PTPRD: variants seen among roughly 807,000 people sequenced by gnomAD.
PTPRD encodes the protein receptor-type tyrosine-protein phosphatase delta.
PTPRD carries 34 observed loss-of-function variants against 214.5 expected under a neutral mutation model. The ratio of observed to expected loss-of-function variants is 0.16; its 90% confidence interval spans 0.12 to 0.21. PTPRD has a LOEUF of 0.21. PTPRD is among the 10% of genes least tolerant of loss of function. The pLI, the probability that PTPRD is intolerant of heterozygous loss-of-function variation, is 1.00. For synonymous variants in PTPRD, 1,128 were observed against 845.7 expected (o/e 1.33, Z -5.79); for missense variants, 2,545 against 2,398.7 (o/e 1.06, Z -1.27).
intron 11 of PTPRD, among the ~76,000 whole-genome samples, chr9:8,833,873 T>C (rs1435789891): frequency 6.6e-6 from 1 of 151,320 alleles, no homozygotes; most frequent in Non-Finnish European, 1.5e-5. Context: ...GACAGCTATA[T>C]ACTGTACCAT....
In PTPRD at chr9:8,925,697, C is replaced by T. The variant is rs1043146804; in HGVS notation, c.-104+93000G>A. ...TCTTGGATGCCATCCTCAACTTTTC[C>T]TTTACGCCACACCTCTAGGCACCGA... On this transcript the variant is annotated intron_variant, in intron 11 of 45. Coordinates refer to ENST00000381196, the MANE Select transcript of PTPRD (RefSeq NM_002839.4). Among the ~76,000 whole-genome samples the T allele has an allele frequency of 2.7e-5, 4 of 150,828 alleles. No individual in the cohort carries two copies. The Admixed American group carries it at 2.7e-4, about 10-fold the overall frequency.
intron 11 of PTPRD, among the ~76,000 whole-genome samples, chr9:8,850,158 T>C (rs1254971546): frequency 1.3e-5 from 2 of 152,140 alleles, no homozygotes; most frequent in Non-Finnish European, 2.9e-5. Flanking sequence ...AATACAATGT[T>C]TGGGATACAG....
intron 8 of PTPRD, among the ~76,000 whole-genome samples, chr9:9,416,500 A>G (rs1447645048): frequency 6.6e-6 from 1 of 152,118 alleles, no homozygotes; most frequent in Non-Finnish European, 1.5e-5. Context: ...TGCTCGGTGA[A>G]TGTTATTGCT....
intron 2 of PTPRD, among the ~76,000 whole-genome samples, chr9:10,532,683 G>A (rs1007818940): frequency 1.3e-5 from 2 of 149,352 alleles, no homozygotes; most frequent in African/African-American, 4.9e-5. Context: ...CATTGCACCA[G>A]GGAATCTCTC....
At position 9,938,531 on chromosome 9, in the gene PTPRD, C is replaced by A. The variant is rs1040734786; in HGVS notation, c.-392G>T. On this transcript the variant is annotated 5_prime_UTR_variant, in exon 5 of 46. The change creates a new upstream start codon in the 5' untranslated region. Transcript: ENST00000381196. The stretch of plus-strand genomic sequence containing the variant: ...CCTGGAGCCGAAGCCCATCGCTTCC[C>A]TCGGTGCCAACATGCTGTCAGTCAG... 1 of 152,116 alleles carries A rather than the reference C, an allele frequency of 6.6e-6. No individual in the cohort carries two copies. The highest frequency in any genetic ancestry group is 6.5e-5 in the Admixed American group (1 of 15,268). The allele number at this position is 152,116 out of a possible 1,614,324, so 9.4% of individuals were successfully genotyped here.
chr9:8,789,669 G>C (rs761815064), intron 11 of PTPRD, among the ~76,000 whole-genome samples: 15 of 150,622 alleles, frequency 1.0e-4, no homozygotes, highest in Non-Finnish European at 2.1e-4. Context: ...TTATTATTGA[G>C]GGGCAAAAAA....
At chr9:8,323,599 A>G (rs1316986691) in intron 44 of PTPRD, among the ~76,000 whole-genome samples, 4 of 142,114 alleles carry the variant, frequency 2.8e-5, no homozygotes, top group Non-Finnish European at 6.0e-5. Flanking sequence ...AATTGCAAAA[A>G]TGGTGGAATA....
intron 2 of PTPRD, among the ~76,000 whole-genome samples, chr9:10,581,732 T>C (rs569861677): frequency 4.7e-4 from 72 of 152,168 alleles, no homozygotes; most frequent in Non-Finnish European, 8.1e-4. Context: ...TCCCTCAGTT[T>C]AGTCTCAGCA....
At chr9:8,565,311 C>G (rs2088542235) in intron 14 of PTPRD, among the ~76,000 whole-genome samples, 1 of 152,042 alleles carries the variant, frequency 6.6e-6, no homozygotes, top group Admixed American at 6.5e-5. Flanking sequence ...ACCTTTTTTT[C>G]CCTAGAATAG....
At chr9:9,702,095 G>T (rs753411486) in intron 7 of PTPRD, among the ~76,000 whole-genome samples, 1 of 152,106 alleles carries the variant, frequency 6.6e-6, no homozygotes, top group Admixed American at 6.6e-5. Context: ...ACTCCAGCCT[G>T]GGCAACAGAG....
In PTPRD at chr9:8,586,832, C is replaced by T. The variant is rs143258012; in HGVS notation, c.352+46485G>A. On this transcript the variant is annotated intron_variant, in intron 14 of 45. Transcript: ENST00000381196. Reference sequence around the variant, plus strand: ...TAATAAAGTCAGCGAGGTTATCTTGCTCTAACTCCTCACTTAATAAAGAAA... The same window carrying T: ...TAATAAAGTCAGCGAGGTTATCTTGTTCTAACTCCTCACTTAATAAAGAAA... 4.8e-3 allele frequency among the ~76,000 whole-genome samples: 730 copies of T among 152,234 alleles called. 10 individuals are homozygous for T. Among genetic ancestry groups the T allele is most frequent in the African/African-American group, 0.017 (692 of 41,540 alleles).
At chr9:9,699,014 T>G (rs1307932250) in intron 7 of PTPRD, among the ~76,000 whole-genome samples, 1 of 152,214 alleles carries the variant, frequency 6.6e-6, no homozygotes, top group East Asian at 1.9e-4. Flanking sequence ...GGCATGACTT[T>G]CTCTCTGCTA....
Position 9,400,780 on chromosome 9 carries a change from T to C in PTPRD, c.-236-3298A>G, listed in dbSNP as rs1352549954. 2.6e-5 allele frequency among the ~76,000 whole-genome samples: 4 copies of C among 152,198 alleles called. No homozygotes were observed. The South Asian group carries it at 8.3e-4, about 31-fold the overall frequency. On this transcript the variant is annotated intron_variant, in intron 8 of 45. Transcript: ENST00000381196. Reference sequence around the variant, plus strand: ...AGGAAATGGAGTCAAACCAAATCAATTGATTTATGGATAGCATATGCACCT... The same window carrying C: ...AGGAAATGGAGTCAAACCAAATCAACTGATTTATGGATAGCATATGCACCT...
At chr9:8,502,020 T>C (rs1164710901) in intron 23 of PTPRD, among the ~76,000 whole-genome samples, 2 of 152,184 alleles carry the variant, frequency 1.3e-5, no homozygotes, top group African/African-American at 4.8e-5. Flanking sequence ...GCAAAATTTC[T>C]TTCATTTTGT....
chr9:8,765,322 A>G (rs929404760), intron 11 of PTPRD, among the ~76,000 whole-genome samples: 1 of 152,194 alleles, frequency 6.6e-6, no homozygotes, highest in Non-Finnish European at 1.5e-5. Flanking sequence ...GAGGTGATGC[A>G]ATAACAATAA....
chr9:9,711,894 CACT>C (rs2097739851), intron 7 of PTPRD, among the ~76,000 whole-genome samples: 1 of 152,132 alleles, frequency 6.6e-6, no homozygotes, highest in East Asian at 1.9e-4. Flanking sequence ...CTAGCTAAAC[CACT>C]ACATCTAACT....
intron 8 of PTPRD, among the ~76,000 whole-genome samples, chr9:9,406,838 T>G (rs1005266529): frequency 4.0e-5 from 3 of 74,398 alleles, no homozygotes; most frequent in Non-Finnish European, 5.3e-5. Context: ...TATGAACTCT[T>G]TCTTCTTTCT....
chr9:10,537,754 T>A (rs2058172762), intron 2 of PTPRD, among the ~76,000 whole-genome samples: 1 of 152,144 alleles, frequency 6.6e-6, no homozygotes, highest in Non-Finnish European at 1.5e-5. Context: ...TTCTCTCTTA[T>A]AATCTCATAA....
At chr9:9,372,730 T>A (rs989018132) in intron 9 of PTPRD, among the ~76,000 whole-genome samples, 1 of 152,198 alleles carries the variant, frequency 6.6e-6, no homozygotes, top group South Asian at 2.1e-4. Flanking sequence ...CAATTTGGCA[T>A]GTTTTCGCAG....
Sources: allele counts gnomAD v4.1 joint callset (sites outside exome capture counted in the v4.1 genomes callset), GRCh38; gene constraint gnomAD v4.1.1; transcripts MANE v1.5; gene names NCBI Gene and HGNC (gene_info 2026-07-23, HGNC 2026-07-21).